The following MORC2 variants were observed in gnomAD, a reference collection of about 807,000 sequenced individuals.
MORC2 encodes the protein MORC family CW-type zinc finger 2.
Under a neutral mutation model 136.0 loss-of-function variants are expected in MORC2, and 30 were observed. That is an observed-to-expected ratio of 0.22 (90% CI 0.17 to 0.30). The LOEUF is 0.30. Ranked by LOEUF, MORC2 falls within the 10% of genes least tolerant of loss-of-function variation. MORC2 has a pLI of 1.00. For synonymous variants in MORC2, 439 were observed against 487.0 expected, an observed-to-expected ratio of 0.90 and a Z score of 1.30; for missense variants, 922 against 1,333.1, an observed-to-expected ratio of 0.69 and a Z score of 4.80.
chr22:30,954,637 T>G (rs1477549500), intron 3 of MORC2, among the ~76,000 whole-genome samples: 1 of 152,212 alleles, frequency 6.6e-6, no homozygotes. Flanking sequence ...CACTGGGTCC[T>G]TTTTCATTTA....
At chr22:30,952,939 G>T (rs1346377382) in intron 3 of MORC2, among the ~76,000 whole-genome samples, 3 of 152,224 alleles carry the variant, frequency 2.0e-5, no homozygotes, top group African/African-American at 7.2e-5. Flanking sequence ...GTATGGGTAA[G>T]AATTATCCAA....
rs751197811 is a variant in MORC2 at position 30,932,553 on chromosome 22, C to T, written c.2739G>A (p.Gln913=). ...TNHETIDLLV[Q]ILRNCLRYFL... is the part of the protein sequence containing the mutation. ...ACAAAAGACACATGTACCGGAGGAT[C>T]TGGACAAGCAGGTCGATGGTCTCGT... The change falls in exon 23 of 26, where the codon CAG becomes CAA. Residue 913 remains glutamine (Q), a synonymous_variant. Transcript: ENST00000397641. This position sits in a 1 kb window ranked among gnomAD's most constrained non-coding sequence, Gnocchi z 4.4. 13 of 1,613,984 alleles carry T rather than the reference C, an allele frequency of 8.1e-6. No homozygotes were observed. Among genetic ancestry groups the T allele is most frequent in the Non-Finnish European group, 1.1e-5 (13 of 1,179,990 alleles).
chr22:30,961,888 C>T (rs1033849753), intron 1 of MORC2, among the ~76,000 whole-genome samples: 3 of 152,128 alleles, frequency 2.0e-5, no homozygotes, highest in Admixed American at 1.3e-4. Context: ...AAGCACAAAG[C>T]ACCTGCCACA....
intron 3 of MORC2, among the ~76,000 whole-genome samples, chr22:30,954,839 T>C (rs1259641664): frequency 2.0e-5 from 3 of 152,226 alleles, no homozygotes; most frequent in African/African-American, 4.8e-5. Flanking sequence ...CATCTGTGCA[T>C]TGATTAAATA....
rs947676688 is a variant in MORC2 at position 30,968,530 on chromosome 22, T to C, written c.-641A>G. Among the ~76,000 whole-genome samples the C allele has an allele frequency of 2.0e-5, 3 of 152,084 alleles. No individual in the cohort carries two copies. The highest frequency in any genetic ancestry group is 4.4e-5 in the Non-Finnish European group (3 of 68,010). The stretch of plus-strand genomic sequence containing the variant: ...CCGGACCAAACCCAGTTCAGGGTGG[T>C]GGTCAGATTACCTCACACTTGGCCC... On this transcript the variant is annotated 5_prime_UTR_variant, in exon 1 of 26. Coordinates refer to ENST00000397641, the MANE Select transcript of MORC2 (RefSeq NM_001303256.3).
chr22:30,932,253 A>C lies in MORC2; in HGVS notation c.2841+106T>G. 1.0e-6 allele frequency: 1 copy of C among 972,114 alleles called. No homozygotes were observed. Among genetic ancestry groups the C allele is most frequent in the South Asian group, 1.5e-5 (1 of 64,898 alleles). The allele number at this position is 972,114 out of a possible 1,614,324, so 60.2% of individuals were successfully genotyped here. Reference sequence around the variant, plus strand: ...GAGATGGAGCACACAGCTGAGAGCTAGCAACTGCAACAAGCGTAACAATCA... The same window carrying C: ...GAGATGGAGCACACAGCTGAGAGCTCGCAACTGCAACAAGCGTAACAATCA... On this transcript the variant is annotated intron_variant, in intron 24 of 25. Transcript: ENST00000397641. This position sits in a 1 kb window ranked among gnomAD's most constrained non-coding sequence, Gnocchi z 4.4.
rs2040743240 is a variant in MORC2, at chr22:30,941,611, A to C, written c.699-53T>G. 1.3e-6 allele frequency: 2 copies of C among 1,588,100 alleles called. No homozygotes were observed. The highest frequency in any genetic ancestry group is 1.7e-6 in the Non-Finnish European group (2 of 1,163,070). ...TGTCACCTGCTCCACAACAGGCCTG[A>C]CCAAGGGCACAACATCCTCTCTGCA... On this transcript the variant is annotated intron_variant, in intron 8 of 25. Transcript: ENST00000397641. The surrounding 1 kb of genome is among the most constrained non-coding windows in gnomAD (Gnocchi z 4.6).
rs572065690 is a variant in MORC2 at position 30,934,836 on chromosome 22, T to C, written c.2138A>G (p.Lys713Arg). 1.2e-6 allele frequency: 2 copies of C among 1,614,124 alleles called. No homozygotes were observed. The highest frequency in any genetic ancestry group is 1.3e-5 in the African/African-American group (1 of 75,020). ...CTTCACCACTGGAGTCTTGATGACT[T>C]TGGGAGAAGGAACCTCCCGAGGGCT... ...SKSPREVPSP[K>R]VIKTPVVKKT... Residue 713 changes from lysine to arginine, a missense_variant, in exon 19 of 26, where the codon AAA (lysine) becomes AGA (arginine). By Grantham distance (26) the Lys-to-Arg change is conservative. This residue lies in a region of MORC2 where 184 missense variants were observed against 180.3 expected (regional missense o/e 1.02). Coordinates refer to ENST00000397641, the MANE Select transcript of MORC2 (RefSeq NM_001303256.3). The surrounding 1 kb of genome is among the most constrained non-coding windows in gnomAD (Gnocchi z 4.4).
chr22:30,942,173 G>T lies in MORC2; in HGVS notation c.525C>A (p.Tyr175Ter). 1 of 1,614,204 alleles carries T rather than the reference G, an allele frequency of 6.2e-7. No homozygotes were observed. Among genetic ancestry groups the T allele is most frequent in the Non-Finnish European group, 8.5e-7 (1 of 1,180,012 alleles). ...CTTCCTCCTCAGTGCGGAATGGAGA[G>T]TACTTATAGATGAGTTCTGTCTCAA... ...FAIETELIYK[Y>*]SPFRTEEEVM... is the part of the protein sequence containing the mutation. Residue 175 changes from tyrosine (Y) to a stop codon, truncating the protein, a stop_gained, in exon 7 of 26, where the codon TAC becomes TAA. Transcript: ENST00000397641. LOFTEE classifies it high-confidence loss of function.
intron 2 of MORC2, among the ~76,000 whole-genome samples, chr22:30,958,229 C>G (rs912968459): frequency 2.0e-5 from 3 of 152,180 alleles, no homozygotes; most frequent in South Asian, 4.1e-4. Context: ...TTTGAGAAGA[C>G]ACAGAACTTT....
At chr22:30,960,479 G>GATTT (rs891460977) in intron 1 of MORC2, among the ~76,000 whole-genome samples, 20 of 151,900 alleles carry the variant, frequency 1.3e-4, no homozygotes, top group East Asian at 7.8e-4. Context: ...GGAAAAGACA[G>GATTT]ATTTATTTAT....
intron 1 of MORC2, among the ~76,000 whole-genome samples, chr22:30,960,510 G>A (rs139630602): frequency 4.0e-4 from 61 of 151,374 alleles, no homozygotes; most frequent in African/African-American, 1.4e-3. Context: ...ATTTTGAGAC[G>A]GAGTTTTTCC....
intron 1 of MORC2, 72 bp downstream of exon 1, chr22:30,967,749 TG>T (rs1418802952): frequency 2.1e-5 from 32 of 1,542,946 alleles, no homozygotes; most frequent in Non-Finnish European, 2.4e-5. Flanking sequence ...CAAAATTTTC[TG>T]GGGAAACGAT....
At chr22:30,952,019 GA>G (rs1204264055) in intron 3 of MORC2, among the ~76,000 whole-genome samples, 1 of 152,084 alleles carries the variant, frequency 6.6e-6, no homozygotes, top group Non-Finnish European at 1.5e-5. Flanking sequence ...AGTGCTTCTT[GA>G]AAGTACAAGG....
At chr22:30,950,235 G>A in intron 4 of MORC2, 142 bp downstream of exon 4, 1 of 817,614 alleles carries the variant, frequency 1.2e-6, no homozygotes, top group Admixed American at 2.4e-5. Flanking sequence ...CTGAGATGTT[G>A]CAACAGACTT....
intron 1 of MORC2, chr22:30,967,152 T>C (rs1959216479): frequency 1.0e-6 from 1 of 985,444 alleles, no homozygotes. Context: ...GGCATATGGA[T>C]TAAACCTGAA....
At chr22:30,966,165 T>C (rs1052990103) in intron 1 of MORC2, among the ~76,000 whole-genome samples, 2 of 152,222 alleles carry the variant, frequency 1.3e-5, no homozygotes, top group Non-Finnish European at 2.9e-5. Context: ...CATAAAGTCT[T>C]TGGTGAAGCT....
At chr22:30,935,957 TA>T (rs1393160644) in intron 17 of MORC2, among the ~76,000 whole-genome samples, 6 of 152,208 alleles carry the variant, frequency 3.9e-5, no homozygotes, top group African/African-American at 1.4e-4. Flanking sequence ...ATACTGCTGG[TA>T]AATAATAGAA....
chr22:30,942,989 A>G (rs998100732), intron 6 of MORC2, among the ~76,000 whole-genome samples: 5 of 152,198 alleles, frequency 3.3e-5, no homozygotes, highest in Admixed American at 6.5e-5. Context: ...TGGGCAACAG[A>G]GCAAGACTCC....
Sources: gnomAD v4.1 joint callset for allele counts (sites outside exome capture counted in the v4.1 genomes callset) on GRCh38, gnomAD v4.1.1 for gene constraint, gnomAD v4.1.1 regional missense constraint, Gnocchi (gnomAD v3.1) non-coding constraint, MANE v1.5 for transcripts, NCBI Gene and HGNC (gene_info 2026-07-23, HGNC 2026-07-21) for gene names.